Variants in TMEM154 observed in about 807,000 individuals in gnomAD.
TMEM154 encodes transmembrane protein 154.
A neutral mutation model predicts 24.5 loss-of-function variants in TMEM154; 27 were observed. The ratio of observed to expected loss-of-function variants is 1.10; its 90% CI spans 0.81 to 1.52. The LOEUF (loss-of-function observed/expected upper bound fraction) is 1.52. Among genes scored for constraint, TMEM154 ranks in the 40% most tolerant of loss-of-function variants. TMEM154 has a pLI of 0.00. For missense variants in TMEM154, 228 were observed against 213.4 expected (o/e 1.07, Z -0.43); for synonymous variants, 67 against 76.8 (o/e 0.87, Z 0.67).
intron 1 of TMEM154, among the ~76,000 whole-genome samples, chr4:152,678,838 A>T (rs1729004632): frequency 6.6e-6 from 1 of 152,186 alleles, no homozygotes; most frequent in Non-Finnish European, 1.5e-5. Context: ...TGCCTGGGGG[A>T]CCACATGGAG....
At chr4:152,648,203 G>C (rs981824584) in intron 3 of TMEM154, among the ~76,000 whole-genome samples, 2 of 152,172 alleles carry the variant, frequency 1.3e-5, no homozygotes, top group Non-Finnish European at 2.9e-5. Flanking sequence ...GCCCTAGCAG[G>C]GGGGCGTGGT....
At chr4:152,631,091 T>C (rs1184740751) in intron 6 of TMEM154, among the ~76,000 whole-genome samples, 1 of 152,232 alleles carries the variant, frequency 6.6e-6, no homozygotes, top group Non-Finnish European at 1.5e-5. Context: ...ATAGTTACCT[T>C]TGCATGTATC....
chr4:152,674,630 G>T (rs746151118), intron 1 of TMEM154, among the ~76,000 whole-genome samples: 2 of 152,116 alleles, frequency 1.3e-5, no homozygotes, highest in Non-Finnish European at 2.9e-5. Context: ...CAAGGCTGGG[G>T]ATTAAGCCTG....
At position 152,639,536 on chromosome 4, in the gene TMEM154, A is replaced by T. The variant is rs370487573; in HGVS notation, c.536+1392T>A. On this transcript the variant is annotated intron_variant, in intron 6 of 6. Coordinates refer to ENST00000304385, the MANE Select transcript of TMEM154 (RefSeq NM_152680.3). ...ATTCCTTTGTAATATTCCCCCTGGC[A>T]TTGTTGTTTTCTTCCACCTGCTTGT... Among the ~76,000 whole-genome samples, 40 of 151,866 alleles carry T rather than the reference A, an allele frequency of 2.6e-4. No homozygotes were observed. In the South Asian group the frequency reaches 7.9e-3, roughly 30 times the overall value.
intron 6 of TMEM154, 36 bp downstream of exon 6, chr4:152,640,892 C>CCAAAAAAA: frequency 6.9e-7 from 1 of 1,454,088 alleles, no homozygotes; most frequent in Non-Finnish European, 9.6e-7. Context: ...CGCCCCCCGC[C>CCAAAAAAA]ATATACATGT....
chr4:152,652,610 ATTGT>A, intron 2 of TMEM154, 34 bp from the exon 3 acceptor site: 1 of 1,613,752 alleles, frequency 6.2e-7, no homozygotes, highest in Non-Finnish European at 8.5e-7. Flanking sequence ...TGTTTTATTG[ATTGT>A]TCACTAACAC....
At chr4:152,652,007 A>G (rs913158769) in intron 3 of TMEM154, among the ~76,000 whole-genome samples, 3 of 152,232 alleles carry the variant, frequency 2.0e-5, no homozygotes, top group African/African-American at 7.2e-5. Context: ...TTGTTGGTGA[A>G]GCAGTCAGAA....
At chr4:152,673,364 A>G (rs1023965599) in intron 1 of TMEM154, among the ~76,000 whole-genome samples, 3 of 152,086 alleles carry the variant, frequency 2.0e-5, no homozygotes, top group African/African-American at 7.2e-5. Context: ...GAAGTGGCAC[A>G]ATCTCAGCTC....
At chr4:152,644,057 C>T (rs1410070447) in intron 4 of TMEM154, among the ~76,000 whole-genome samples, 1 of 152,138 alleles carries the variant, frequency 6.6e-6, no homozygotes, top group Non-Finnish European at 1.5e-5. Flanking sequence ...AAGTATCTTT[C>T]CTGGTGATAA....
chr4:152,675,359 G>A (rs1414732316), intron 1 of TMEM154, among the ~76,000 whole-genome samples: 1 of 152,092 alleles, frequency 6.6e-6, no homozygotes, highest in Non-Finnish European at 1.5e-5. Context: ...CAGGTGAGGT[G>A]GCTCATGCCT....
At chr4:152,669,132 T>G (rs1317543817) in intron 1 of TMEM154, 1 of 152,236 alleles carries the variant, frequency 6.6e-6, no homozygotes, top group Non-Finnish European at 1.5e-5. Context: ...GTGATTACAT[T>G]CACAGATTTT....
intron 6 of TMEM154, among the ~76,000 whole-genome samples, chr4:152,630,778 T>C (rs1384847022): frequency 6.6e-6 from 1 of 152,204 alleles, no homozygotes; most frequent in Non-Finnish European, 1.5e-5. Flanking sequence ...TCTCACTACA[T>C]TAACATTTTG....
intron 1 of TMEM154, among the ~76,000 whole-genome samples, chr4:152,658,371 T>G (rs1728532215): frequency 6.6e-6 from 1 of 151,918 alleles, no homozygotes; most frequent in Non-Finnish European, 1.5e-5. Context: ...TAGTGATGCA[T>G]CTCAAGGAAC....
chr4:152,644,309 A>G (rs1752312331), intron 4 of TMEM154, 106 bp downstream of exon 4: 1 of 1,258,784 alleles, frequency 7.9e-7, no homozygotes, highest in South Asian at 1.2e-5. Flanking sequence ...GGGAAGCAGG[A>G]GAGTCCCGCA....
chr4:152,649,763 C>T (rs1011019266), intron 3 of TMEM154, among the ~76,000 whole-genome samples: 2 of 152,164 alleles, frequency 1.3e-5, no homozygotes, highest in African/African-American at 4.8e-5. Context: ...ACAGGATCCT[C>T]ATCTGGATTA....
intron 1 of TMEM154, among the ~76,000 whole-genome samples, chr4:152,655,653 G>A (rs1365634712): frequency 4.0e-5 from 6 of 150,058 alleles, no homozygotes; most frequent in Non-Finnish European, 5.9e-5. Context: ...GCAGCGGGGC[G>A]CTCACACATG....
At chr4:152,645,924 G>A (rs1168217654) in intron 3 of TMEM154, among the ~76,000 whole-genome samples, 1 of 138,420 alleles carries the variant, frequency 7.2e-6, no homozygotes, top group African/African-American at 2.8e-5. Flanking sequence ...TTAGATGGGG[G>A]AAAGGAGAAT....
intron 1 of TMEM154, among the ~76,000 whole-genome samples, chr4:152,678,355 TA>T (rs1221229452): frequency 6.6e-6 from 1 of 150,582 alleles, no homozygotes; most frequent in Non-Finnish European, 1.5e-5. Flanking sequence ...TTTTAGAAGC[TA>T]AAAAAAAAGT....
At chr4:152,658,937 T>G (rs1370858215) in intron 1 of TMEM154, among the ~76,000 whole-genome samples, 1 of 152,152 alleles carries the variant, frequency 6.6e-6, no homozygotes, top group Non-Finnish European at 1.5e-5. Context: ...GTACAGCCAC[T>G]ATGGAAAACA....
Sources: allele counts gnomAD v4.1 joint callset (sites outside exome capture counted in the v4.1 genomes callset), GRCh38; gene constraint gnomAD v4.1.1; transcripts MANE v1.5; gene names NCBI Gene and HGNC (gene_info 2026-07-23, HGNC 2026-07-21).